UGT1A8: variants seen among roughly 807,000 people sequenced by gnomAD.
The protein encoded by UGT1A8 is UDP glucuronosyltransferase family 1 member A8, also known as UDP-glucuronosyltransferase 1A8.
A neutral mutation model predicts 45.3 loss-of-function variants in UGT1A8; 39 were observed. The observed-to-expected ratio is 0.86, with a 90% confidence interval of 0.67 to 1.12. UGT1A8 has a LOEUF of 1.12. Among genes scored for constraint, UGT1A8 ranks in the 50% most tolerant of loss-of-function variants. The probability of loss-of-function intolerance (pLI) is 0.00; values close to 1 mark genes in which losing one functional copy is unlikely to be tolerated. For missense variants in UGT1A8, 719 were observed against 664.9 expected (o/e 1.08, Z -0.90); for synonymous variants, 275 against 249.2 (o/e 1.10, Z -0.97).
At chr2:233,748,394 G>T (rs1313890293) in intron 1 of UGT1A8, among the ~76,000 whole-genome samples, 1 of 151,804 alleles carries the variant, frequency 6.6e-6, no homozygotes, top group Non-Finnish European at 1.5e-5. Flanking sequence ...TTGGGAAGGA[G>T]CAGGGACACT....
chr2:233,723,522 T>TC (rs2077093722), intron 1 of UGT1A8, among the ~76,000 whole-genome samples: 1 of 114,298 alleles, frequency 8.7e-6, no homozygotes. Flanking sequence ...CAATCTTTTT[T>TC]TTTTTTTTTT....
intron 1 of UGT1A8, among the ~76,000 whole-genome samples, chr2:233,714,030 C>T (rs141549280): frequency 1.3e-5 from 2 of 152,174 alleles, no homozygotes; most frequent in African/African-American, 4.8e-5. Context: ...AATGGTAGTG[C>T]AGTTCAGGGT....
At chr2:233,636,648 G>A (rs11683356) in intron 1 of UGT1A8, 47,660 of 1,614,140 alleles carry the variant, frequency 0.03, 842 homozygotes, top group Non-Finnish European at 0.034. Context: ...TCACCATGCA[G>A]TCGGTGGTGG....
At chr2:233,754,193 TA>T (rs1341563622) in intron 1 of UGT1A8, 2 of 162,294 alleles carry the variant, frequency 1.2e-5, no homozygotes, top group African/African-American at 4.8e-5. Context: ...CACCACACAG[TA>T]AAACATTGAA....
chr2:233,672,201 G>A (rs186748787), intron 1 of UGT1A8: 51 of 1,614,196 alleles, frequency 3.2e-5, no homozygotes, highest in Admixed American at 2.0e-4. Flanking sequence ...TGGACCGGGA[G>A]TTCAAGGCTT....
chr2:233,636,451 C>T (rs1334388000), intron 1 of UGT1A8: 2 of 1,540,332 alleles, frequency 1.3e-6, no homozygotes, highest in Non-Finnish European at 1.7e-6. Context: ...AGGTTTTGTG[C>T]CTGTACTTCT....
intron 1 of UGT1A8, chr2:233,760,552 A>C: frequency 6.2e-7 from 1 of 1,614,264 alleles, no homozygotes; most frequent in Non-Finnish European, 8.5e-7. Context: ...GGAGGATGTG[A>C]AAGAGTCTTT....
chr2:233,740,508 G>A (rs529004725), intron 1 of UGT1A8, among the ~76,000 whole-genome samples: 1 of 152,040 alleles, frequency 6.6e-6, no homozygotes, highest in East Asian at 1.9e-4. Flanking sequence ...AGTGTGTGAT[G>A]TAAGCTGAAC....
At chr2:233,725,041 G>A (rs1430842810) in intron 1 of UGT1A8, among the ~76,000 whole-genome samples, 13 of 148,226 alleles carry the variant, frequency 8.8e-5, no homozygotes, top group African/African-American at 3.3e-4. Flanking sequence ...ACCAAAACCA[G>A]TCAGGCGTGG....
At chr2:233,745,676 C>T (rs28900379) in intron 1 of UGT1A8, among the ~76,000 whole-genome samples, 3,652 of 149,480 alleles carry the variant, frequency 0.024, 62 homozygotes, top group Non-Finnish European at 0.032. Flanking sequence ...AATTTGGGAA[C>T]ATCAAAGCAA....
chr2:233,725,139 A>G lies in UGT1A8; in HGVS notation c.856-41895A>G, dbSNP rs1329392712. ...TGCAGTGAGCCGAGATGGCAGCAGTACAGTCCAGCTTCGGCTCTGCATGAG... is the reference window on the plus strand; with the variant it reads ...TGCAGTGAGCCGAGATGGCAGCAGTGCAGTCCAGCTTCGGCTCTGCATGAG... On this transcript the variant is annotated intron_variant, in intron 1 of 4. Transcript: ENST00000373450. Among the ~76,000 whole-genome samples, 4 of 132,800 alleles carry G rather than the reference A, an allele frequency of 3.0e-5. 1 individual carries two copies. The highest frequency in any genetic ancestry group is 6.3e-5 in the Non-Finnish European group (4 of 63,650). The allele number at this position is 132,800 out of a possible 152,430, so 87.1% of individuals were successfully genotyped here. A position where few individuals can be genotyped will look rare whatever the true frequency, so the allele number is the denominator to read the frequency against.
intron 1 of UGT1A8, among the ~76,000 whole-genome samples, chr2:233,712,293 G>A (rs1484888784): frequency 6.6e-6 from 1 of 152,208 alleles, no homozygotes; most frequent in African/African-American, 2.4e-5. Context: ...TTCTTCCATG[G>A]TGTAGATGGA....
chr2:233,726,672 G>T (rs1443566236), intron 1 of UGT1A8, among the ~76,000 whole-genome samples: 1 of 152,112 alleles, frequency 6.6e-6, no homozygotes, highest in Non-Finnish European at 1.5e-5. Context: ...TATCTGTGAA[G>T]TCTCTTCCAC....
Position 233,730,281 on chromosome 2 carries a change from C to T in UGT1A8, c.856-36753C>T, listed in dbSNP as rs566860864. On this transcript the variant is annotated intron_variant, in intron 1 of 4. Transcript: ENST00000373450. ...GACTGTTGGTTTGTAAAGGCACCATCTTCATGGTTGTGCATGTCCTTCAGC... is the reference window on the plus strand; with the variant it reads ...GACTGTTGGTTTGTAAAGGCACCATTTTCATGGTTGTGCATGTCCTTCAGC... 2.6e-5 allele frequency among the ~76,000 whole-genome samples: 4 copies of T among 152,274 alleles called. No individual in the cohort carries two copies. In the South Asian group the frequency reaches 8.3e-4, roughly 32 times the overall value.
intron 1 of UGT1A8, chr2:233,692,193 G>A (rs1481987311): frequency 6.6e-6 from 1 of 152,356 alleles, no homozygotes; most frequent in East Asian, 1.9e-4. Context: ...GGTTGCTGAA[G>A]GTGTGGAGGG....
Position 233,769,502 on chromosome 2 carries a change from T to C in UGT1A8, c.1295+1063T>C, listed in dbSNP as rs1443648635. The C allele has an allele frequency of 1.2e-6, 2 of 1,612,762 alleles. No individual in the cohort carries two copies. On this transcript the variant is annotated intron_variant, in intron 4 of 4. Transcript: ENST00000373450. The surrounding 1 kb of genome is among the most constrained non-coding windows in gnomAD (Gnocchi z 4.4). Reference sequence around the variant, plus strand: ...GTGCGTGTGTTTATGAGAGTGTCCATTGCTTTCTCCCATGGTTACCTCCTT... The same window carrying C: ...GTGCGTGTGTTTATGAGAGTGTCCACTGCTTTCTCCCATGGTTACCTCCTT...
chr2:233,672,894 A>T, intron 1 of UGT1A8: 1 of 1,513,026 alleles, frequency 6.6e-7, no homozygotes, highest in Non-Finnish European at 8.8e-7. Context: ...TTTCATTTCA[A>T]ATTTCTTTCC....
chr2:233,760,825 G>C lies in UGT1A8; in HGVS notation c.856-6209G>C, dbSNP rs1657628450. The C allele has an allele frequency of 2.5e-6, 4 of 1,613,330 alleles. No homozygotes were observed. The Admixed American group carries it at 5.0e-5, about 20-fold the overall frequency. On this transcript the variant is annotated intron_variant, in intron 1 of 4. Coordinates refer to ENST00000373450, the MANE Select transcript of UGT1A8 (RefSeq NM_019076.5). ...CTTGCATGCACTGCCATGCAGCCTG[G>C]AATTTGAGGCTACCCAGTGCCCCAA...
In UGT1A8 at chr2:233,769,925, T is replaced by TG. The variant is rs2126049712; in HGVS notation, c.1295+1488dup. ...CATGTGCCCAGAGCGTTGGGTGGTG[T>TG]GGTCCCATTCCTTCCTTCCAGCGGC... On this transcript the variant is annotated intron_variant, in intron 4 of 4. Transcript: ENST00000373450. This position sits in a 1 kb window ranked among gnomAD's most constrained non-coding sequence, Gnocchi z 4.4. The TG allele has an allele frequency of 3.8e-6, 1 of 266,564 alleles. No individual in the cohort carries two copies. Among genetic ancestry groups the TG allele is most frequent in the Admixed American group, 5.1e-5 (1 of 19,790 alleles). 16.5% of individuals were successfully genotyped at this position (266,564 alleles called of 1,614,324 possible). A position where few individuals can be genotyped will look rare whatever the true frequency, so the allele number is the denominator to read the frequency against.
Sources: allele counts gnomAD v4.1 joint callset (sites outside exome capture counted in the v4.1 genomes callset), GRCh38; gene constraint gnomAD v4.1.1; non-coding constraint Gnocchi (gnomAD v3.1); transcripts MANE v1.5; gene names NCBI Gene and HGNC (gene_info 2026-07-23, HGNC 2026-07-21).